NELL2: variants seen among roughly 807,000 people sequenced by gnomAD.
NELL2 encodes protein kinase C-binding protein NELL2.
A neutral mutation model predicts 109.6 loss-of-function variants in NELL2; 41 were observed. The ratio of observed to expected loss-of-function variants is 0.37; its 90% CI spans 0.29 to 0.49. NELL2 has a LOEUF of 0.49. Among genes scored for constraint, NELL2 ranks in the 20% least tolerant of loss-of-function variants. NELL2 has a pLI of 0.98. For synonymous variants in NELL2, 355 were observed against 344.7 expected (o/e 1.03, Z -0.33); for missense variants, 900 against 1,008.3 (o/e 0.89, Z 1.45).
intron 15 of NELL2, among the ~76,000 whole-genome samples, chr12:44,557,330 C>T (rs754960478): frequency 6.6e-6 from 1 of 152,144 alleles, no homozygotes; most frequent in Non-Finnish European, 1.5e-5. Context: ...CATCAAAATT[C>T]TTTTTCTGGT....
intron 9 of NELL2, among the ~76,000 whole-genome samples, chr12:44,746,542 C>T (rs1293533942): frequency 6.6e-6 from 1 of 152,120 alleles, no homozygotes; most frequent in Non-Finnish European, 1.5e-5. Context: ...TTTTTGCAAC[C>T]TACTCATCTG....
intron 12 of NELL2, among the ~76,000 whole-genome samples, chr12:44,668,874 C>A (rs180729781): frequency 1.3e-5 from 2 of 151,966 alleles, no homozygotes; most frequent in Admixed American, 1.3e-4. Flanking sequence ...GATCAAGGAC[C>A]CACTCAGTTG....
intron 2 of NELL2, among the ~76,000 whole-genome samples, chr12:44,844,976 C>T (rs540843309): frequency 3.9e-5 from 6 of 152,224 alleles, no homozygotes; most frequent in African/African-American, 9.6e-5. Context: ...CAGCCTATCC[C>T]TTGCTGAAAT....
chr12:44,591,304 T>A (rs1331314454), intron 15 of NELL2, among the ~76,000 whole-genome samples: 1 of 152,132 alleles, frequency 6.6e-6, no homozygotes, highest in Non-Finnish European at 1.5e-5. Flanking sequence ...GAAATCAGAA[T>A]ATTGAAGAGA....
chr12:44,915,681 T>TA (rs901056258), upstream of NELL2, among the ~76,000 whole-genome samples: 2 of 152,068 alleles, frequency 1.3e-5, no homozygotes, highest in Non-Finnish European at 1.5e-5. Flanking sequence ...TTCAAAAAAA[T>TA]AAATGAAGAG....
In NELL2 at chr12:44,777,134, C is replaced by T; in HGVS notation, c.680-10G>A. ...TTGCAAGTTGGACAGGCTGGAATTA[C>T]AAACACTACATTTGGTCAAGATGCA... On this transcript the variant is annotated splice_polypyrimidine_tract_variant and intron_variant, in intron 6 of 19. Coordinates refer to ENST00000429094, the MANE Select transcript of NELL2 (RefSeq NM_001145108.2). 1.2e-6 allele frequency: 2 copies of T among 1,613,808 alleles called. No individual in the cohort carries two copies. Among genetic ancestry groups the T allele is most frequent in the Non-Finnish European group, 1.7e-6 (2 of 1,179,770 alleles).
At chr12:44,873,635 C>T (rs145224198) in intron 2 of NELL2, among the ~76,000 whole-genome samples, 5 of 151,926 alleles carry the variant, frequency 3.3e-5, no homozygotes, top group Non-Finnish European at 7.4e-5. Context: ...GCTTTAGATT[C>T]CATAAAGCTT....
At chr12:44,753,340 C>A (rs1161759262) in intron 9 of NELL2, among the ~76,000 whole-genome samples, 1 of 152,214 alleles carries the variant, frequency 6.6e-6, no homozygotes, top group Non-Finnish European at 1.5e-5. Flanking sequence ...TCCCTTCCCC[C>A]TTGACTACTG....
At chr12:44,819,914 C>G (rs1048526729) in intron 2 of NELL2, among the ~76,000 whole-genome samples, 2 of 152,064 alleles carry the variant, frequency 1.3e-5, no homozygotes, top group Non-Finnish European at 2.9e-5. Flanking sequence ...CTTGCATGAG[C>G]CTCCCACCTA....
chr12:44,542,970 G>A (rs890361142), intron 15 of NELL2, among the ~76,000 whole-genome samples: 2 of 152,144 alleles, frequency 1.3e-5, no homozygotes, highest in Admixed American at 6.5e-5. Flanking sequence ...GCAGGAGCAC[G>A]CCTCTGCTGA....
chr12:44,848,129 A>T (rs1944428438), intron 2 of NELL2, among the ~76,000 whole-genome samples: 1 of 152,066 alleles, frequency 6.6e-6, no homozygotes, highest in South Asian at 2.1e-4. Context: ...AACTTAGGGC[A>T]TAGCCACATC....
intron 3 of NELL2, among the ~76,000 whole-genome samples, chr12:44,801,358 C>T (rs1045502494): frequency 5.9e-5 from 9 of 151,974 alleles, no homozygotes; most frequent in African/African-American, 2.2e-4. Context: ...AATAAAAATG[C>T]CCAACAGAGA....
intron 15 of NELL2, among the ~76,000 whole-genome samples, chr12:44,570,021 A>G (rs534871968): frequency 6.6e-6 from 1 of 152,316 alleles, no homozygotes; most frequent in South Asian, 2.1e-4. Context: ...AAAAGCAGGT[A>G]ACTTTTTCTT....
At chr12:44,801,896 G>A (rs542849112) in intron 3 of NELL2, among the ~76,000 whole-genome samples, 1 of 151,406 alleles carries the variant, frequency 6.6e-6, no homozygotes, top group African/African-American at 2.4e-5. Context: ...CAGGCACAGA[G>A]GATACAGAAA....
At chr12:44,736,687 G>C (rs1939672648) in intron 9 of NELL2, among the ~76,000 whole-genome samples, 1 of 152,048 alleles carries the variant, frequency 6.6e-6, no homozygotes, top group African/African-American at 2.4e-5. Flanking sequence ...TCAACTAGTT[G>C]TAACTATGTA....
chr12:44,720,610 T>A (rs1938718965), intron 9 of NELL2, among the ~76,000 whole-genome samples: 1 of 152,150 alleles, frequency 6.6e-6, no homozygotes, highest in Non-Finnish European at 1.5e-5. Flanking sequence ...GCTCGGACAA[T>A]GTAATGACAA....
chr12:44,587,284 A>AAAAATATAT, intron 15 of NELL2, among the ~76,000 whole-genome samples: 6 of 72,210 alleles, frequency 8.3e-5, no homozygotes, highest in South Asian at 6.9e-4. Context: ...AAAAAAAAAA[A>AAAAATATAT]ATATATATAT....
At chr12:44,866,517 A>G (rs371618932) in intron 2 of NELL2, among the ~76,000 whole-genome samples, 7 of 152,188 alleles carry the variant, frequency 4.6e-5, no homozygotes, top group African/African-American at 1.4e-4. Context: ...AAATGCCTAC[A>G]TTTAAAAAGA....
intron 13 of NELL2, among the ~76,000 whole-genome samples, chr12:44,643,619 T>C (rs893083859): frequency 6.6e-6 from 1 of 152,278 alleles, no homozygotes; most frequent in Non-Finnish European, 1.5e-5. Context: ...TACATCTATA[T>C]CTGAAAGAAA....
Sources: gnomAD v4.1 joint callset for allele counts (sites outside exome capture counted in the v4.1 genomes callset) on GRCh38, gnomAD v4.1.1 for gene constraint, MANE v1.5 for transcripts, NCBI Gene and HGNC (gene_info 2026-07-23, HGNC 2026-07-21) for gene names.